The following RGMA variants were observed in gnomAD, a reference collection of about 807,000 sequenced individuals.
The protein encoded by RGMA is repulsive guidance molecule A.
RGMA carries 10 observed loss-of-function variants against 23.2 expected under a neutral mutation model. The observed-to-expected ratio is 0.43, with a 90% CI of 0.27 to 0.73. RGMA has a LOEUF of 0.73. Among genes scored for constraint, RGMA ranks in the 30% least tolerant of loss-of-function variants. The pLI is 0.20. For synonymous variants in RGMA, 308 were observed against 279.3 expected (o/e 1.10, Z -1.03); for missense variants, 547 against 630.5 (o/e 0.87, Z 1.42).
In RGMA at chr15:93,089,078, C is replaced by A; in HGVS notation, c.-146G>T. 1 of 407,984 alleles carries A rather than the reference C, an allele frequency of 2.5e-6. No individual in the cohort carries two copies. The highest frequency in any genetic ancestry group is 4.2e-6 in the Non-Finnish European group (1 of 240,542). 25.3% of individuals were successfully genotyped at this position (407,984 alleles called of 1,614,324 possible). ...CGCCCCGGCCGGCTCAGCAGCGGCC[C>A]GGGGAGCGCCTCCTGCTCCCGGGCT... is the stretch of plus-strand genomic sequence containing the variant. On this transcript the variant is annotated 5_prime_UTR_variant, in exon 1 of 4. Transcript: ENST00000329082.
In RGMA at chr15:93,049,206, G is replaced by C. The variant is rs144200978; in HGVS notation, c.645+2787C>G. ...TGCACCGGGCACGAGGCAGAGCCCA[G>C]GCTGCATCAGCTACTATCTACGGAG... On this transcript the variant is annotated intron_variant, in intron 3 of 3. Coordinates refer to ENST00000329082, the MANE Select transcript of RGMA (RefSeq NM_020211.3). Among the ~76,000 whole-genome samples, 9 of 152,340 alleles carry C rather than the reference G, an allele frequency of 5.9e-5. No homozygotes were observed. The East Asian group carries it at 1.7e-3, about 29-fold the overall frequency.
At chr15:93,073,461 G>C (rs2141842063) in intron 1 of RGMA, 1 of 1,036,850 alleles carries the variant, frequency 9.6e-7, no homozygotes, top group Middle Eastern at 2.1e-4. Context: ...GCACCCTTGG[G>C]AGGCCGCAGG....
chr15:93,074,816 G>T, intron 1 of RGMA, among the ~76,000 whole-genome samples: 1 of 152,200 alleles, frequency 6.6e-6, no homozygotes, highest in Non-Finnish European at 1.5e-5. Context: ...CAGGCACTGT[G>T]CCAGGCTGCA....
chr15:93,071,976 AG>A (rs1215844451), intron 2 of RGMA, among the ~76,000 whole-genome samples: 1 of 152,256 alleles, frequency 6.6e-6, no homozygotes, highest in Non-Finnish European at 1.5e-5. Flanking sequence ...ATTTTTAGCA[AG>A]AAAAAAAATG....
intron 2 of RGMA, chr15:93,062,837 T>A (rs1895013360): frequency 6.6e-6 from 1 of 152,384 alleles, no homozygotes; most frequent in African/African-American, 2.4e-5. Context: ...GCTGCAGGGG[T>A]GGAAGCTGCT....
chr15:93,066,727 G>A, intron 2 of RGMA: 1 of 347,444 alleles, frequency 2.9e-6, no homozygotes, highest in Non-Finnish European at 5.6e-6. Context: ...TGGCCAGGCT[G>A]GTCTTAAACT....
intron 1 of RGMA, chr15:93,088,181 T>C (rs1895671746): frequency 2.4e-6 from 2 of 823,390 alleles, no homozygotes; most frequent in South Asian, 1.1e-4. Flanking sequence ...GCAAGTCTAA[T>C]ACAATTACAT....
chr15:93,051,901 C>G (rs922675902), intron 3 of RGMA, 92 bp downstream of exon 3: 1 of 1,344,296 alleles, frequency 7.4e-7, no homozygotes, highest in Non-Finnish European at 1.0e-6. Context: ...CCCCCATTCC[C>G]AGGCACCCGA....
intron 2 of RGMA, among the ~76,000 whole-genome samples, chr15:93,061,529 A>G (rs1894966589): frequency 1.3e-5 from 2 of 152,226 alleles, no homozygotes; most frequent in Non-Finnish European, 2.9e-5. Context: ...CACAACTCAC[A>G]TAAATGTATG....
intron 1 of RGMA, among the ~76,000 whole-genome samples, chr15:93,079,325 A>G (rs1048191059): frequency 6.6e-6 from 1 of 152,224 alleles, no homozygotes; most frequent in South Asian, 2.1e-4. Context: ...AGGAATTTTG[A>G]AAGTCTAAAC....
At chr15:93,088,183 C>CAATT (rs1567198322) in intron 1 of RGMA, 1 of 824,098 alleles carries the variant, frequency 1.2e-6, no homozygotes, top group Non-Finnish European at 1.5e-6. Flanking sequence ...AAGTCTAATA[C>CAATT]AATTACATTA....
chr15:93,046,514 T>C (rs1567178685), intron 3 of RGMA, among the ~76,000 whole-genome samples: 1 of 152,188 alleles, frequency 6.6e-6, no homozygotes. Flanking sequence ...AGGAAATGAA[T>C]ATGGTTTGCA....
chr15:93,077,165 T>C (rs1895485709), intron 1 of RGMA, among the ~76,000 whole-genome samples: 1 of 152,104 alleles, frequency 6.6e-6, no homozygotes, highest in South Asian at 2.1e-4. Context: ...GAGGTGAAGC[T>C]GGAGAAACAG....
intron 2 of RGMA, among the ~76,000 whole-genome samples, chr15:93,059,041 T>C (rs1023530357): frequency 6.6e-6 from 1 of 152,168 alleles, no homozygotes; most frequent in Non-Finnish European, 1.5e-5. Flanking sequence ...GGCAAGAATT[T>C]TGATCGTCAT....
chr15:93,067,797 G>C (rs1308767625), intron 2 of RGMA, among the ~76,000 whole-genome samples: 1 of 152,218 alleles, frequency 6.6e-6, no homozygotes, highest in African/African-American at 2.4e-5. Flanking sequence ...CTCCAAAGCA[G>C]GCCATGAGCA....
intron 2 of RGMA, among the ~76,000 whole-genome samples, chr15:93,068,214 T>C (rs1895218305): frequency 6.6e-6 from 1 of 152,168 alleles, no homozygotes; most frequent in South Asian, 2.1e-4. Flanking sequence ...AGAAATACTG[T>C]CTTCAATTTA....
intron 1 of RGMA, among the ~76,000 whole-genome samples, chr15:93,082,142 G>A (rs1029166695): frequency 2.0e-5 from 3 of 152,244 alleles, no homozygotes; most frequent in Non-Finnish European, 4.4e-5. Context: ...GTCTTGATAA[G>A]TAGTTGCCAA....
intron 3 of RGMA, among the ~76,000 whole-genome samples, chr15:93,048,725 C>G (rs2054868617): frequency 6.6e-6 from 1 of 152,190 alleles, no homozygotes; most frequent in Non-Finnish European, 1.5e-5. Context: ...TACGGTTCAG[C>G]CTCCTACTTC....
chr15:93,050,631 G>A (rs1426807953), intron 3 of RGMA, among the ~76,000 whole-genome samples: 1 of 152,208 alleles, frequency 6.6e-6, no homozygotes, highest in Non-Finnish European at 1.5e-5. Context: ...AATGGGGGCA[G>A]CAGCCCAGCC....
Sources: gnomAD v4.1 joint callset for allele counts (sites outside exome capture counted in the v4.1 genomes callset) on GRCh38, gnomAD v4.1.1 for gene constraint, MANE v1.5 for transcripts, NCBI Gene and HGNC (gene_info 2026-07-23, HGNC 2026-07-21) for gene names.